Variants in FAM151A observed in about 807,000 individuals in gnomAD.
FAM151A encodes the protein protein FAM151A.
In FAM151A, 41 loss-of-function variants were observed where a neutral mutation model predicts 40.4. The ratio of observed to expected loss-of-function variants is 1.01; its 90% CI spans 0.79 to 1.32. FAM151A has a LOEUF of 1.32. Among genes scored for constraint, FAM151A ranks in the 40% most tolerant of loss-of-function variants. The pLI is 0.00. For synonymous variants in FAM151A, 337 were observed against 312.5 expected (o/e 1.08, Z -0.83); for missense variants, 740 against 740.4 (o/e 1.00, Z 0.01).
chr1:54,618,000 T>C (rs1569795871), intron 2 of FAM151A, among the ~76,000 whole-genome samples: 1 of 152,140 alleles, frequency 6.6e-6, no homozygotes, highest in African/African-American at 2.4e-5. Context: ...CTGCTGGAAT[T>C]ACAGGCATGA....
rs1644130236 is a variant in FAM151A at position 54,612,560 on chromosome 1, G to A, written c.726C>T (p.Val242=). 6.2e-7 allele frequency: 1 copy of A among 1,614,076 alleles called. No homozygotes were observed. Among genetic ancestry groups the A allele is most frequent in the East Asian group, 2.2e-5 (1 of 44,834 alleles). The change falls in exon 5 of 8, where the codon GTC becomes GTT. Residue 242 remains valine (V), a synonymous_variant. Transcript: ENST00000302250. ...CCATGGAAGACCGTACAGGGAAGGT[G>A]ACCCTCTGGGGCACTCCTCCCACCA... ...HELVGGVPQR[V]TFPVRSSMVR... is the part of the protein sequence containing the mutation.
At position 54,614,822 on chromosome 1, in the gene FAM151A, G is replaced by A. The variant is rs372413341; in HGVS notation, c.453C>T (p.Gly151=). The change falls in exon 4 of 8, where the codon GGC becomes GGT. Residue 151 remains glycine (G), a synonymous_variant. Coordinates refer to ENST00000302250, the MANE Select transcript of FAM151A (RefSeq NM_176782.3). The stretch of plus-strand genomic sequence containing the variant: ...GCTGCCGCAGGAGGTCCAGGGAGGG[G>A]CCCACTGCCTTGATGTTCTTGAAGT... ...KLDFKNIKAV[G]PSLDLLRQLT... 17 of 1,614,198 alleles carry A rather than the reference G, an allele frequency of 1.1e-5. No individual in the cohort carries two copies. The highest frequency in any genetic ancestry group is 8.9e-5 in the East Asian group (4 of 44,886).
chr1:54,614,654 A>G, intron 4 of FAM151A, 46 bp downstream of exon 4: 2 of 1,568,488 alleles, frequency 1.3e-6, no homozygotes, highest in Non-Finnish European at 1.7e-6. Context: ...GTAGGTGTTG[A>G]CAGAAGAGGG....
At chr1:54,613,026 C>T (rs560463147) in intron 4 of FAM151A, among the ~76,000 whole-genome samples, 198 of 151,816 alleles carry the variant, frequency 1.3e-3, no homozygotes, top group African/African-American at 4.6e-3. Flanking sequence ...GAGCCCCCAG[C>T]GTGTGGGAAT....
At position 54,611,601 on chromosome 1, in the gene FAM151A, C is replaced by A. The variant is rs1467729079; in HGVS notation, c.940+5G>T. 3 of 1,613,620 alleles carry A rather than the reference C, an allele frequency of 1.9e-6. No individual in the cohort carries two copies. In the East Asian group the frequency reaches 6.7e-5, roughly 36 times the overall value. On this transcript the variant is annotated splice_donor_5th_base_variant and intron_variant, in intron 6 of 7. Transcript: ENST00000302250. ...CACACCACCCTTCCCAATTCCTCTC[C>A]TTACAGGCCAGCTGCTTGAACTGTG...
Position 54,614,854 on chromosome 1 carries a change from T to G in FAM151A, c.421A>C (p.Lys141Gln). ...GCCTTGATGTTCTTGAAGTCCAGTT[T>G]GATGCCTGTGGGGAAAGGAACAAGG... ...AVLGSSQKGI[K>Q]LDFKNIKAVG... The change falls in exon 4 of 8, where the codon AAA becomes CAA. Residue 141 changes from lysine to glutamine, a missense_variant. Transcript: ENST00000302250. The G allele has an allele frequency of 6.2e-7, 1 of 1,613,570 alleles. No individual in the cohort carries two copies. The highest frequency in any genetic ancestry group is 8.5e-7 in the Non-Finnish European group (1 of 1,179,784).
chr1:54,617,183 A>G (rs903089958), intron 2 of FAM151A, among the ~76,000 whole-genome samples: 1 of 152,164 alleles, frequency 6.6e-6, no homozygotes. Flanking sequence ...TCAAGAATTC[A>G]GTCTAGTAGG....
intron 7 of FAM151A, 26 bp from the exon 8 acceptor site, chr1:54,609,967 T>G: frequency 6.3e-7 from 1 of 1,587,710 alleles, no homozygotes; most frequent in Non-Finnish European, 8.5e-7. Flanking sequence ...GAGGCAACAG[T>G]GTTTAGGATT....
chr1:54,619,348 C>G (rs555754679), intron 2 of FAM151A, among the ~76,000 whole-genome samples: 1 of 152,224 alleles, frequency 6.6e-6, no homozygotes, highest in African/African-American at 2.4e-5. Flanking sequence ...CCACTCTGGG[C>G]TCCAATGTTG....
In FAM151A at chr1:54,619,992, G is replaced by A. The variant is rs748388523; in HGVS notation, c.134C>T (p.Ala45Val). The change falls in exon 2 of 8, where the codon GCC becomes GTC. Residue 45 changes from alanine to valine, a missense_variant. By Grantham distance (64) the Ala-to-Val change is moderately conservative. Coordinates refer to ENST00000302250, the MANE Select transcript of FAM151A (RefSeq NM_176782.3). The stretch of plus-strand genomic sequence containing the variant: ...CAGCATGTCGGCATCAGGGCTGCAG[G>A]CCTCCAGCTCACAGCCTGGAAGGAA... Reference protein sequence around the residue: ...TLRRPGCELEACSPDADMLDY... With the variant: ...TLRRPGCELEVCSPDADMLDY... 1.2e-6 allele frequency: 2 copies of A among 1,613,382 alleles called. No homozygotes were observed. The highest frequency in any genetic ancestry group is 8.5e-7 in the Non-Finnish European group (1 of 1,179,556).
At position 54,609,732 on chromosome 1, in the gene FAM151A, A is replaced by G. The variant is rs1236491604; in HGVS notation, c.1294T>C (p.Ser432Pro). ...RPSLALLARLSSLGLLHWPVW... is the reference protein window; with the variant it reads ...RPSLALLARLPSLGLLHWPVW... ...GGCCAATGCAAGAGGCCAAGGCTGG[A>G]GAGGCGTGCCAGCAAGGCCAGGGAT... is the stretch of plus-strand genomic sequence containing the variant. Residue 432 changes from serine to proline, a missense_variant, in exon 8 of 8, where the codon TCC becomes CCC. Coordinates refer to ENST00000302250, the MANE Select transcript of FAM151A (RefSeq NM_176782.3). 1 of 1,614,168 alleles carries G rather than the reference A, an allele frequency of 6.2e-7. No homozygotes were observed. Among genetic ancestry groups the G allele is most frequent in the Admixed American group, 1.7e-5 (1 of 60,034 alleles).
At chr1:54,610,307 A>G (rs1644103374) in intron 7 of FAM151A, 105 bp downstream of exon 7, 4 of 1,541,218 alleles carry the variant, frequency 2.6e-6, no homozygotes, top group Non-Finnish European at 3.5e-6. Flanking sequence ...TATGGTGTAA[A>G]TAAACCTGTG....
intron 1 of FAM151A, among the ~76,000 whole-genome samples, chr1:54,620,661 A>G (rs1470699703): frequency 6.7e-6 from 1 of 149,076 alleles, no homozygotes; most frequent in Non-Finnish European, 1.5e-5. Context: ...CCTGGCCAAC[A>G]TGGTGAAACC....
At chr1:54,614,605 G>T (rs1035440496) in intron 4 of FAM151A, 95 bp downstream of exon 4, 52 of 1,295,756 alleles carry the variant, frequency 4.0e-5, no homozygotes, top group Non-Finnish European at 5.4e-5. Flanking sequence ...AGTATGATTG[G>T]AGACAAACTC....
intron 2 of FAM151A, among the ~76,000 whole-genome samples, chr1:54,618,037 C>T (rs951286500): frequency 6.6e-6 from 1 of 151,652 alleles, no homozygotes; most frequent in Non-Finnish European, 1.5e-5. Flanking sequence ...CGAGATTCTG[C>T]ATTTTTAACA....
rs1248633216 is a variant in FAM151A, at chr1:54,614,857, T to C, written c.418A>G (p.Ile140Val). 1 of 1,613,444 alleles carries C rather than the reference T, an allele frequency of 6.2e-7. No individual in the cohort carries two copies. The highest frequency in any genetic ancestry group is 1.7e-5 in the Admixed American group (1 of 59,896). ...TTGATGTTCTTGAAGTCCAGTTTGA[T>C]GCCTGTGGGGAAAGGAACAAGGGCT... ...DAVLGSSQKG[I>V]KLDFKNIKAV... Residue 140 changes from isoleucine (I) to valine (V), a missense_variant and splice_region_variant, in exon 4 of 8, where the codon ATC (isoleucine) becomes GTC (valine). Transcript: ENST00000302250.
At chr1:54,610,277 G>A in intron 7 of FAM151A, 135 bp downstream of exon 7, 1 of 1,503,940 alleles carries the variant, frequency 6.6e-7, no homozygotes. Context: ...CCGCAACCCT[G>A]CCCCACCTTG....
rs372058248 is a variant in FAM151A, at chr1:54,609,632, G to A, written c.1394C>T (p.Thr465Ile). 33 of 1,613,674 alleles carry A rather than the reference G, an allele frequency of 2.0e-5. No individual in the cohort carries two copies. The highest frequency in any genetic ancestry group is 2.6e-5 in the Non-Finnish European group (31 of 1,180,040). ...GTGGGGGAAGACCTCAGCCACAGCT[G>A]TAAGCAGCTCTCTGCCAGCCACATG... is the stretch of plus-strand genomic sequence containing the variant. ...PGHVAGRELLTAVAEVFPHVT... is the reference protein window; with the variant it reads ...PGHVAGRELLIAVAEVFPHVT... Residue 465 changes from threonine to isoleucine, a missense_variant, in exon 8 of 8, where the codon ACA becomes ATA. By Grantham distance (89) the Thr-to-Ile change is moderately conservative. Transcript: ENST00000302250.
rs1175111433 is a variant in FAM151A at position 54,609,939 on chromosome 1, T to A, written c.1087A>T (p.Thr363Ser). Residue 363 changes from threonine (T) to serine (S), a missense_variant and splice_region_variant, in exon 8 of 8, where the codon ACA (threonine) becomes TCA (serine). Physicochemically the swap from Thr to Ser is moderately conservative, Grantham distance 58. Coordinates refer to ENST00000302250, the MANE Select transcript of FAM151A (RefSeq NM_176782.3). The stretch of plus-strand genomic sequence containing the variant: ...GTGTTCAGCAGGATCATGCCTTCTG[T>A]GTCTGGAAGAGGCGGCAGAGGCAAC... ...GKTATMTLPDTEGMILLNTGL... is the reference protein window; with the variant it reads ...GKTATMTLPDSEGMILLNTGL... 4 of 1,602,052 alleles carry A rather than the reference T, an allele frequency of 2.5e-6. No individual in the cohort carries two copies. Among genetic ancestry groups the A allele is most frequent in the Non-Finnish European group, 3.4e-6 (4 of 1,177,266 alleles).
Sources: allele counts gnomAD v4.1 joint callset (sites outside exome capture counted in the v4.1 genomes callset), GRCh38; gene constraint gnomAD v4.1.1; transcripts MANE v1.5; gene names NCBI Gene and HGNC (gene_info 2026-07-23, HGNC 2026-07-21).